ANO2: variants seen among roughly 807,000 people sequenced by gnomAD.
ANO2 encodes the protein anoctamin 2.
ANO2 carries 101 observed loss-of-function variants against 124.2 expected under a neutral mutation model. That is an observed-to-expected ratio of 0.81 (90% CI 0.69 to 0.96). ANO2 has a LOEUF of 0.96. Ranked by LOEUF, ANO2 falls within the 40% of genes least tolerant of loss-of-function variation. The probability of loss-of-function intolerance (pLI) is 0.00; values close to 1 mark genes in which losing one functional copy is unlikely to be tolerated. For missense variants in ANO2, 1,293 were observed against 1,274.5 expected, an observed-to-expected ratio of 1.01 and a Z score of -0.22; for synonymous variants, 486 against 482.5, an observed-to-expected ratio of 1.01 and a Z score of -0.09.
At chr12:5,578,214 G>A (rs1011689313) in intron 21 of ANO2, among the ~76,000 whole-genome samples, 152 bp downstream of exon 21, 3 of 152,146 alleles carry the variant, frequency 2.0e-5, no homozygotes, top group African/African-American at 4.8e-5. Context: ...GTCTCAGAAG[G>A]CGTCCCTGCA....
Position 5,732,570 on chromosome 12 carries a change from G to T in ANO2, c.1495C>A (p.Gln499Lys), listed in dbSNP as rs764967451. Reference protein sequence around the residue: ...VREKMLKESNQSAVQKLETNT... With the variant: ...VREKMLKESNKSAVQKLETNT... ...GTTTCCAATTTCTGGACAGCAGACT[G>T]GTTGCTCTCCTTTAGCATTTTCTCT... Residue 499 changes from glutamine to lysine, a missense_variant, in exon 14 of 25, where the codon CAG (glutamine) becomes AAG (lysine). By Grantham distance (53) the Gln-to-Lys change is moderately conservative. Coordinates refer to ENST00000682330, the MANE Select transcript of ANO2 (RefSeq NM_001364791.2). 19 of 1,613,792 alleles carry T rather than the reference G, an allele frequency of 1.2e-5. No homozygotes were observed. The highest frequency in any genetic ancestry group is 1.5e-5 in the Non-Finnish European group (18 of 1,179,868).
At chr12:5,895,052 A>G (rs1330003985) in intron 3 of ANO2, among the ~76,000 whole-genome samples, 1 of 152,120 alleles carries the variant, frequency 6.6e-6, no homozygotes, top group Non-Finnish European at 1.5e-5. Context: ...CTTAATGGGG[A>G]TAGCACTGAA....
chr12:5,823,484 C>T (rs1338359495), intron 7 of ANO2, among the ~76,000 whole-genome samples: 5 of 152,228 alleles, frequency 3.3e-5, no homozygotes, highest in African/African-American at 1.2e-4. Flanking sequence ...AATTTTAAAG[C>T]TCCAAAATGA....
At chr12:5,879,172 T>C (rs1488796790) in intron 3 of ANO2, among the ~76,000 whole-genome samples, 1 of 152,174 alleles carries the variant, frequency 6.6e-6, no homozygotes. Context: ...GGGTCAGAGC[T>C]AAGGAGCCAC....
At chr12:5,581,861 G>A (rs1202562766) in intron 20 of ANO2, among the ~76,000 whole-genome samples, 1 of 152,186 alleles carries the variant, frequency 6.6e-6, no homozygotes, top group Non-Finnish European at 1.5e-5. Flanking sequence ...CATTGCTGCA[G>A]ATGTCGCCTG....
rs79716332 is a variant in ANO2, at chr12:5,847,944, G to A, written c.633+6099C>T. ...AACATTTCAAAACATGGGTTCAACC[G>A]AAAAGAATTAAAGTGTCAGTGGCAT... On this transcript the variant is annotated intron_variant, in intron 4 of 24. Transcript: ENST00000682330. 4.4e-3 allele frequency among the ~76,000 whole-genome samples: 676 copies of A among 152,270 alleles called. 7 individuals carry two copies. The highest frequency in any genetic ancestry group is 0.016 in the African/African-American group (650 of 41,528).
At chr12:5,662,230 A>G (rs1181964799) in intron 14 of ANO2, among the ~76,000 whole-genome samples, 1 of 152,252 alleles carries the variant, frequency 6.6e-6, no homozygotes, top group Non-Finnish European at 1.5e-5. Context: ...GAGAAGACCT[A>G]GACCTATGCA....
intron 14 of ANO2, among the ~76,000 whole-genome samples, chr12:5,660,793 C>T (rs574041315): frequency 2.0e-5 from 3 of 152,168 alleles, no homozygotes; most frequent in East Asian, 1.9e-4. Context: ...AAACAATAGC[C>T]GGGCTCATTT....
At chr12:5,682,634 T>C (rs767558562) in intron 14 of ANO2, among the ~76,000 whole-genome samples, 1 of 152,192 alleles carries the variant, frequency 6.6e-6, no homozygotes, top group Admixed American at 6.5e-5. Context: ...AATACCACGT[T>C]AGGCATTGGA....
At chr12:5,697,743 G>GT (rs1949243785) in intron 14 of ANO2, among the ~76,000 whole-genome samples, 1 of 152,192 alleles carries the variant, frequency 6.6e-6, no homozygotes, top group Middle Eastern at 3.2e-3. Flanking sequence ...GGAAAATCGG[G>GT]TCACTCTCAC....
intron 10 of ANO2, among the ~76,000 whole-genome samples, chr12:5,792,934 G>A (rs1591623504): frequency 6.6e-6 from 1 of 152,262 alleles, no homozygotes; most frequent in Non-Finnish European, 1.5e-5. Context: ...GTGTATGTAA[G>A]GCTCCTCCTC....
At chr12:5,623,199 T>C (rs552891501) in intron 16 of ANO2, among the ~76,000 whole-genome samples, 7 of 152,126 alleles carry the variant, frequency 4.6e-5, no homozygotes, top group African/African-American at 1.7e-4. Flanking sequence ...CCAAATAAAG[T>C]ACCTTCAGAT....
intron 10 of ANO2, among the ~76,000 whole-genome samples, chr12:5,796,633 G>A (rs79530043): frequency 1.3e-5 from 2 of 152,186 alleles, no homozygotes; most frequent in Non-Finnish European, 2.9e-5. Context: ...GAGGAGAGCC[G>A]TGCGGGGCTG....
At chr12:5,589,857 A>G (rs141544678) in intron 20 of ANO2, among the ~76,000 whole-genome samples, 1 of 152,220 alleles carries the variant, frequency 6.6e-6, no homozygotes, top group East Asian at 1.9e-4. Context: ...ACCACAGGAC[A>G]TGGAGAAGGA....
intron 23 of ANO2, among the ~76,000 whole-genome samples, chr12:5,572,013 C>T (rs1942155648): frequency 6.6e-6 from 1 of 152,178 alleles, no homozygotes; most frequent in Non-Finnish European, 1.5e-5. Context: ...AGTAGGGCAT[C>T]TCTTTATGTT....
chr12:5,921,242 C>G lies in ANO2; in HGVS notation c.332G>C (p.Gly111Ala). Reference sequence around the variant, plus strand: ...AGGGAAGCCTTGGGCCAGGTGCACCCCGCGTTTCCGGTAGTGGTAGGCAAG... The same window carrying G: ...AGGGAAGCCTTGGGCCAGGTGCACCGCGCGTTTCCGGTAGTGGTAGGCAAG... ...YVLAYHYRKR[G>A]VHLAQGFPGH... is the part of the protein sequence containing the mutation. The change falls in exon 3 of 25, where the codon GGG becomes GCG. Residue 111 changes from glycine to alanine, a missense_variant. Gly to Ala is a moderately conservative substitution (Grantham distance 60, BLOSUM62 0). Transcript: ENST00000682330. 1 of 1,613,968 alleles carries G rather than the reference C, an allele frequency of 6.2e-7. No homozygotes were observed. The highest frequency in any genetic ancestry group is 8.5e-7 in the Non-Finnish European group (1 of 1,179,874).
At position 5,620,835 on chromosome 12, in the gene ANO2, C is replaced by T. The variant is rs1042528576; in HGVS notation, c.1817-5538G>A. ...GATAATGATCTGTGCTCACCATTTA[C>T]AGCTAGCGCTGCCGCTTCTGTCATT... On this transcript the variant is annotated intron_variant, in intron 16 of 24. Coordinates refer to ENST00000682330, the MANE Select transcript of ANO2 (RefSeq NM_001364791.2). Among the ~76,000 whole-genome samples the T allele has an allele frequency of 3.3e-5, 5 of 152,012 alleles. No homozygotes were observed. In the South Asian group the frequency reaches 1.0e-3, roughly 32 times the overall value.
chr12:5,751,353 A>G (rs1951433956), intron 10 of ANO2, among the ~76,000 whole-genome samples: 1 of 152,094 alleles, frequency 6.6e-6, no homozygotes, highest in East Asian at 1.9e-4. Flanking sequence ...AAGAAAACAC[A>G]CCTTTTTGGA....
intron 10 of ANO2, among the ~76,000 whole-genome samples, chr12:5,752,828 G>C (rs1299216219): frequency 2.0e-5 from 3 of 152,080 alleles, no homozygotes; most frequent in African/African-American, 7.2e-5. Flanking sequence ...TTTCTTTTAA[G>C]AGTTCTATTG....
Sources: gnomAD v4.1 joint callset for allele counts (sites outside exome capture counted in the v4.1 genomes callset) on GRCh38, gnomAD v4.1.1 for gene constraint, MANE v1.5 for transcripts, NCBI Gene and HGNC (gene_info 2026-07-23, HGNC 2026-07-21) for gene names.